The following PIEZO2 variants were observed in gnomAD, a reference collection of about 807,000 sequenced individuals.
PIEZO2 encodes the protein piezo type mechanosensitive ion channel component 2, also known as piezo-type mechanosensitive ion channel component 2.
A neutral mutation model predicts 337.3 loss-of-function variants in PIEZO2; 172 were observed. That is an observed-to-expected ratio of 0.51 (90% CI 0.45 to 0.58). PIEZO2 has a LOEUF of 0.58. Ranked by LOEUF, PIEZO2 falls within the 20% of genes least tolerant of loss-of-function variation. The probability of loss-of-function intolerance (pLI) is 0.00; values close to 1 mark genes in which losing one functional copy is unlikely to be tolerated. For missense variants in PIEZO2, 3,028 were observed against 3,391.3 expected (o/e 0.89, Z 2.66); for synonymous variants, 1,251 against 1,228.5 (o/e 1.02, Z -0.38).
In PIEZO2 at chr18:11,092,027, C is replaced by T. The variant is rs1000513454; in HGVS notation, c.65-25805G>A. ...TCATAGCCAGTATCCCAATAAAAGA[C>T]TCTTTGGAGGGTGTGGCAAATGTGG... On this transcript the variant is annotated intron_variant, in intron 1 of 55. Transcript: ENST00000674853. The surrounding 1 kb of genome is among the most constrained non-coding windows in gnomAD (Gnocchi z 4.5). 2.6e-5 allele frequency among the ~76,000 whole-genome samples: 4 copies of T among 152,180 alleles called. No individual in the cohort carries two copies. Among genetic ancestry groups the T allele is most frequent in the African/African-American group, 9.7e-5 (4 of 41,440 alleles).
At chr18:10,741,135 A>G (rs957215516) in intron 32 of PIEZO2, 33 bp from the exon 33 acceptor site, 2 of 1,498,422 alleles carry the variant, frequency 1.3e-6, no homozygotes, top group African/African-American at 1.4e-5. Context: ...ATTAATTCGT[A>G]TAAAGTGAGA....
intron 1 of PIEZO2, among the ~76,000 whole-genome samples, chr18:11,086,377 G>A (rs1158718633): frequency 4.6e-5 from 7 of 151,784 alleles, no homozygotes; most frequent in African/African-American, 1.2e-4. Flanking sequence ...AAAATTAGCC[G>A]GGCGTGGTGC....
At chr18:10,770,452 A>G in intron 20 of PIEZO2, 144 bp from the exon 21 acceptor site, 1 of 758,364 alleles carries the variant, frequency 1.3e-6, no homozygotes, top group Non-Finnish European at 2.0e-6. Context: ...ATCTGGAATA[A>G]GGATGATGTA....
chr18:10,955,441 T>G (rs2033475662), intron 3 of PIEZO2, among the ~76,000 whole-genome samples: 1 of 152,218 alleles, frequency 6.6e-6, no homozygotes, highest in Admixed American at 6.5e-5. Context: ...GGTGTCATCA[T>G]GCAGCCACTA....
intron 7 of PIEZO2, among the ~76,000 whole-genome samples, chr18:10,836,763 C>T (rs1239389726): frequency 2.0e-5 from 3 of 152,092 alleles, no homozygotes; most frequent in Non-Finnish European, 4.4e-5. Context: ...TACAAGTGTC[C>T]TCTTTAAGAT....
rs923967205 is a variant in PIEZO2, at chr18:11,116,796, C to A, written c.64+31729G>T. Among the ~76,000 whole-genome samples the A allele has an allele frequency of 2.0e-5, 3 of 151,412 alleles. No individual in the cohort carries two copies. The highest frequency in any genetic ancestry group is 2.1e-4 in the South Asian group (1 of 4,782). On this transcript the variant is annotated intron_variant, in intron 1 of 55. Coordinates refer to ENST00000674853, the MANE Select transcript of PIEZO2 (RefSeq NM_001378183.1). The surrounding 1 kb of genome is among the most constrained non-coding windows in gnomAD (Gnocchi z 5.0). ...CTAACTGTATAGCACAGTAGGGTGA[C>A]TATAGTTAACAATAATTTATTGTGT...
chr18:10,840,861 C>A (rs1441925259), intron 7 of PIEZO2, among the ~76,000 whole-genome samples: 1 of 152,170 alleles, frequency 6.6e-6, no homozygotes, highest in African/African-American at 2.4e-5. Flanking sequence ...ATGCATTCCT[C>A]TTGCCCAGTG....
intron 7 of PIEZO2, among the ~76,000 whole-genome samples, chr18:10,839,120 G>A (rs1343852774): frequency 6.6e-6 from 1 of 152,136 alleles, no homozygotes; most frequent in African/African-American, 2.4e-5. Flanking sequence ...ATCTGCTATT[G>A]TTTCTAGAAT....
intron 2 of PIEZO2, among the ~76,000 whole-genome samples, chr18:11,056,751 C>A (rs2037745168): frequency 6.6e-6 from 1 of 152,128 alleles, no homozygotes; most frequent in Non-Finnish European, 1.5e-5. Flanking sequence ...CTATGTACAA[C>A]CAGGCCTCGC....
chr18:10,701,855 A>G (rs1333797873), intron 43 of PIEZO2, 134 bp downstream of exon 43: 9 of 587,116 alleles, frequency 1.5e-5, no homozygotes, highest in African/African-American at 3.9e-5. Context: ...TAAAAAAAAC[A>G]TATGAGTAGA....
intron 2 of PIEZO2, among the ~76,000 whole-genome samples, chr18:10,995,731 G>A (rs1016287913): frequency 1.1e-4 from 17 of 152,100 alleles, no homozygotes; most frequent in Non-Finnish European, 2.2e-4. Context: ...TCTCACATAG[G>A]CCTCTTTCCA....
chr18:10,811,135 C>T (rs1192593688), intron 7 of PIEZO2, among the ~76,000 whole-genome samples: 1 of 152,166 alleles, frequency 6.6e-6, no homozygotes, highest in African/African-American at 2.4e-5. Flanking sequence ...ACTTCATTCA[C>T]GTTTCTTCCT....
chr18:10,685,035 A>G (rs991637386), intron 49 of PIEZO2, among the ~76,000 whole-genome samples: 1 of 152,036 alleles, frequency 6.6e-6, no homozygotes, highest in Non-Finnish European at 1.5e-5. Context: ...AATGTTCTGG[A>G]AAGTGGTGCA....
chr18:10,720,643 A>G (rs1383776581), intron 36 of PIEZO2, among the ~76,000 whole-genome samples: 5 of 150,996 alleles, frequency 3.3e-5, no homozygotes, highest in Non-Finnish European at 5.9e-5. Context: ...ATCTTTTTAG[A>G]GATGTTGCTC....
In PIEZO2 at chr18:10,714,876, T is replaced by G. The variant is rs962022746; in HGVS notation, c.5311A>C (p.Asn1771His). 2.0e-6 allele frequency: 3 copies of G among 1,537,120 alleles called. No individual in the cohort carries two copies. Among genetic ancestry groups the G allele is most frequent in the African/African-American group, 2.7e-5 (2 of 73,042 alleles). ...IHMYYQNHIM[N>H]LSRESGLDTI... Reference sequence around the variant, plus strand: ...TCCAGTCCCGACTCTCTGGAAAGGTTCATGATGTGGTTCTGATAGTACATG... The same window carrying G: ...TCCAGTCCCGACTCTCTGGAAAGGTGCATGATGTGGTTCTGATAGTACATG... Residue 1771 changes from asparagine to histidine, a missense_variant, in exon 39 of 56, where the codon AAC (asparagine) becomes CAC (histidine). Transcript: ENST00000674853.
chr18:10,675,250 G>A lies in PIEZO2; in HGVS notation c.8120C>T (p.Pro2707Leu), dbSNP rs955690748. The A allele has an allele frequency of 1.9e-6, 3 of 1,545,630 alleles. No individual in the cohort carries two copies. Among genetic ancestry groups the A allele is most frequent in the Admixed American group, 4.1e-5 (2 of 48,510 alleles). The change falls in exon 54 of 56, where the codon CCT becomes CTT. Residue 2707 changes from proline to leucine, a missense_variant. Around this residue, in one of 5 missense-constraint regions of PIEZO2, gnomAD observed 332 missense variants for 363.8 expected, o/e 0.91. Coordinates refer to ENST00000674853, the MANE Select transcript of PIEZO2 (RefSeq NM_001378183.1). ...TATAGGTTTTGAGTTAGAATCACTA[G>A]GTGCTTTCACATAATATGGATAAAT... Reference protein sequence around the residue: ...EKIYPYYVKAPSDSNSKPIKQ... With the variant: ...EKIYPYYVKALSDSNSKPIKQ...
chr18:11,140,188 C>A (rs1455569329), intron 1 of PIEZO2, among the ~76,000 whole-genome samples: 1 of 152,194 alleles, frequency 6.6e-6, no homozygotes, highest in Non-Finnish European at 1.5e-5. Context: ...TTTCCCCATA[C>A]TTCTGGTGAA....
intron 3 of PIEZO2, among the ~76,000 whole-genome samples, chr18:10,967,015 TTTG>T (rs1257153623): frequency 7.0e-5 from 10 of 143,396 alleles, no homozygotes; most frequent in African/African-American, 2.8e-4. Flanking sequence ...TTCTCTGTTT[TTTG>T]TTTTTTTTTT....
chr18:10,919,284 C>G (rs948311284), intron 3 of PIEZO2, among the ~76,000 whole-genome samples: 15 of 152,076 alleles, frequency 9.9e-5, no homozygotes, highest in Admixed American at 2.6e-4. Context: ...ATTCATTTGC[C>G]CTTTAGGTTC....
Sources: allele counts gnomAD v4.1 joint callset (sites outside exome capture counted in the v4.1 genomes callset), GRCh38; gene constraint gnomAD v4.1.1; regional missense constraint gnomAD v4.1.1; non-coding constraint Gnocchi (gnomAD v3.1); transcripts MANE v1.5; gene names NCBI Gene and HGNC (gene_info 2026-07-23, HGNC 2026-07-21).